The following UCHL3 variants were observed in gnomAD, a reference collection of about 807,000 sequenced individuals.
UCHL3 encodes the protein ubiquitin C-terminal hydrolase L3, also known as ubiquitin carboxyl-terminal hydrolase isozyme L3.
A neutral mutation model predicts 35.8 loss-of-function variants in UCHL3; 22 were observed. The observed-to-expected ratio is 0.61, with a 90% confidence interval of 0.44 to 0.88. The LOEUF (loss-of-function observed/expected upper bound fraction) is 0.88. UCHL3 is among the 40% of genes least tolerant of loss of function. UCHL3 has a pLI of 0.00. For missense variants in UCHL3, 229 were observed against 276.9 expected (o/e 0.83, Z 1.23); for synonymous variants, 90 against 92.8 (o/e 0.97, Z 0.17).
chr13:75,596,555 G>T (rs936852340), intron 7 of UCHL3, among the ~76,000 whole-genome samples: 4 of 152,170 alleles, frequency 2.6e-5, no homozygotes, highest in African/African-American at 9.7e-5. Context: ...CTTCAAGAAA[G>T]TAGATTTGGC....
Position 75,549,983 on chromosome 13 carries a change from A to G in UCHL3, c.50A>G (p.Asn17Ser). The change falls in exon 2 of 9, where the codon AAC becomes AGC. Residue 17 changes from asparagine (N) to serine (S), a missense_variant. Transcript: ENST00000377595. ...TCTCTGTTTCGTTTTCAGGTCACCA[A>G]CCAGGTGAGTGAGGTGTCTGTCGCT... ...LPLEANPEVT[N>S]QFLKQLGLHP... is the part of the protein sequence containing the mutation. 5 of 1,614,238 alleles carry G rather than the reference A, an allele frequency of 3.1e-6. No individual in the cohort carries two copies. Among genetic ancestry groups the G allele is most frequent in the South Asian group, 1.1e-5 (1 of 91,092 alleles).
chr13:75,570,996 C>G (rs1250619795), intron 6 of UCHL3, among the ~76,000 whole-genome samples: 1 of 152,128 alleles, frequency 6.6e-6, no homozygotes, highest in Non-Finnish European at 1.5e-5. Context: ...TATCCATACA[C>G]AGACACATAA....
At chr13:75,605,438 G>A (rs2032912311) in intron 8 of UCHL3, among the ~76,000 whole-genome samples, 1 of 152,110 alleles carries the variant, frequency 6.6e-6, no homozygotes, top group Non-Finnish European at 1.5e-5. Flanking sequence ...AACCCGGAAG[G>A]CAGAGGTTGC....
chr13:75,559,378 A>C (rs573702373), intron 2 of UCHL3, among the ~76,000 whole-genome samples: 4 of 152,280 alleles, frequency 2.6e-5, no homozygotes, highest in African/African-American at 9.6e-5. Flanking sequence ...GACTTGTTCC[A>C]AGAATGAACC....
At chr13:75,583,948 G>A (rs1472030302) in intron 6 of UCHL3, among the ~76,000 whole-genome samples, 1 of 152,202 alleles carries the variant, frequency 6.6e-6, no homozygotes, top group South Asian at 2.1e-4. Context: ...GGGTGCTCAT[G>A]AGATTAAGTG....
intron 6 of UCHL3, among the ~76,000 whole-genome samples, chr13:75,587,017 C>CAA (rs3036429): frequency 0.46 from 44,979 of 98,396 alleles, 10,105 homozygotes; most frequent in East Asian, 0.63. Context: ...CTTAAGGTAG[C>CAA]AAAAAAAAAA....
intron 6 of UCHL3, among the ~76,000 whole-genome samples, chr13:75,580,588 C>T (rs539075896): frequency 2.0e-5 from 3 of 152,312 alleles, no homozygotes; most frequent in African/African-American, 7.2e-5. Context: ...TCGAGGTGCT[C>T]ACCAGCTTTC....
chr13:75,566,590 C>A, intron 3 of UCHL3, 105 bp from the exon 4 acceptor site: 2 of 726,704 alleles, frequency 2.8e-6, no homozygotes, highest in Non-Finnish European at 4.0e-6. Flanking sequence ...TAAACCCTTT[C>A]TTTCATAATA....
chr13:75,560,219 G>T (rs2031447138), intron 2 of UCHL3, among the ~76,000 whole-genome samples: 1 of 152,022 alleles, frequency 6.6e-6, no homozygotes, highest in African/African-American at 2.4e-5. Context: ...TGGTAAATAG[G>T]ATAAACTATG....
chr13:75,594,971 T>C lies in UCHL3; in HGVS notation c.531T>C (p.Asp177=), dbSNP rs907401437. 32 of 1,606,438 alleles carry C rather than the reference T, an allele frequency of 2.0e-5. No homozygotes were observed. Among genetic ancestry groups the C allele is most frequent in the Non-Finnish European group, 2.5e-5 (30 of 1,177,898 alleles). ...ATTTTATTGCATTAGTTCATGTAGA[T>C]GGGCATCTCTATGAATTAGGTAAGA... The part of the protein sequence containing the change: ...DLHFIALVHV[D]GHLYELDGRK... Residue 177 remains aspartate, a synonymous_variant, in exon 7 of 9, where the codon GAT becomes GAC. Coordinates refer to ENST00000377595, the MANE Select transcript of UCHL3 (RefSeq NM_006002.5).
In UCHL3 at chr13:75,557,922, G is replaced by GT. The variant is rs1293516439; in HGVS notation, c.55-2819dup. Among the ~76,000 whole-genome samples, 477 of 142,868 alleles carry GT rather than the reference G, an allele frequency of 3.3e-3. 2 individuals are homozygous for GT. The highest frequency in any genetic ancestry group is 7.2e-3 in the Middle Eastern group (2 of 276). The allele number at this position is 142,868 out of a possible 152,430, so 93.7% of individuals were successfully genotyped here. ...TGCATATGATCATTTCAAACACAGG[G>GT]TTTTTTTTTTTTAATTGTAAAAGTA... On this transcript the variant is annotated intron_variant, in intron 2 of 8. Coordinates refer to ENST00000377595, the MANE Select transcript of UCHL3 (RefSeq NM_006002.5).
intron 2 of UCHL3, among the ~76,000 whole-genome samples, chr13:75,556,495 A>T (rs1295919489): frequency 1.3e-5 from 2 of 152,248 alleles, no homozygotes; most frequent in Non-Finnish European, 2.9e-5. Context: ...CCCTGAACAG[A>T]CCATTAAAGA....
chr13:75,555,424 G>A (rs2031261027), intron 2 of UCHL3, among the ~76,000 whole-genome samples: 1 of 152,182 alleles, frequency 6.6e-6, no homozygotes, highest in Admixed American at 6.5e-5. Flanking sequence ...GGATGCGTCT[G>A]AAGTATGAGA....
At chr13:75,580,612 T>G (rs779581625) in intron 6 of UCHL3, among the ~76,000 whole-genome samples, 5 of 152,220 alleles carry the variant, frequency 3.3e-5, no homozygotes, top group Non-Finnish European at 7.3e-5. Context: ...TATTCTCACC[T>G]TCTTAATTCT....
chr13:75,593,708 C>T (rs769026045), intron 6 of UCHL3, among the ~76,000 whole-genome samples: 24 of 152,092 alleles, frequency 1.6e-4, no homozygotes, highest in Non-Finnish European at 2.9e-4. Flanking sequence ...GAATTTCTTC[C>T]GTTCATAATT....
intron 6 of UCHL3, chr13:75,589,974 C>G: frequency 7.7e-7 from 1 of 1,304,750 alleles, no homozygotes; most frequent in South Asian, 1.2e-5. Flanking sequence ...TCATTCTAGC[C>G]ACTGCAGAAC....
chr13:75,574,017 G>A (rs1265522098), intron 6 of UCHL3, among the ~76,000 whole-genome samples: 5 of 152,074 alleles, frequency 3.3e-5, no homozygotes, highest in South Asian at 4.1e-4. Context: ...GGAGATCGAG[G>A]CCATCCTGGC....
chr13:75,599,488 T>C (rs1180219244), intron 7 of UCHL3, among the ~76,000 whole-genome samples: 1 of 152,184 alleles, frequency 6.6e-6, no homozygotes, highest in East Asian at 1.9e-4. Context: ...CACCATTTTT[T>C]CCAACAGCAT....
At chr13:75,573,177 T>A (rs1846272818) in intron 6 of UCHL3, among the ~76,000 whole-genome samples, 4 of 150,080 alleles carry the variant, frequency 2.7e-5, no homozygotes, top group Admixed American at 6.7e-5. Flanking sequence ...GGCGGGAGAA[T>A]CGCTTGAACT....
Sources: gnomAD v4.1 joint callset for allele counts (sites outside exome capture counted in the v4.1 genomes callset) on GRCh38, gnomAD v4.1.1 for gene constraint, MANE v1.5 for transcripts, NCBI Gene and HGNC (gene_info 2026-07-23, HGNC 2026-07-21) for gene names.